ZMIZ1: variants seen among roughly 807,000 people sequenced by gnomAD.
ZMIZ1 encodes zinc finger MIZ-type containing 1, also known as zinc finger MIZ domain-containing protein 1.
In ZMIZ1, 17 loss-of-function variants were observed where a neutral mutation model predicts 113.9. The ratio of observed to expected loss-of-function variants is 0.15; its 90% CI spans 0.10 to 0.22. The LOEUF (loss-of-function observed/expected upper bound fraction) is 0.22. Ranked by LOEUF, ZMIZ1 falls within the 10% of genes least tolerant of loss-of-function variation. The pLI is 1.00. For missense variants in ZMIZ1, 1,059 were observed against 1,477.8 expected, an observed-to-expected ratio of 0.72 and a Z score of 4.65; for synonymous variants, 607 against 603.1, an observed-to-expected ratio of 1.01 and a Z score of -0.09.
intron 5 of ZMIZ1, among the ~76,000 whole-genome samples, chr10:79,206,970 G>T (rs74142339): frequency 6.6e-6 from 1 of 152,170 alleles, no homozygotes; most frequent in Non-Finnish European, 1.5e-5. Flanking sequence ...AACCTTAAGC[G>T]AAAGAAATAA....
intron 4 of ZMIZ1, among the ~76,000 whole-genome samples, chr10:79,162,715 GCA>G (rs1846165031): frequency 6.6e-6 from 1 of 152,018 alleles, no homozygotes; most frequent in Admixed American, 6.5e-5. Flanking sequence ...TACACACCTG[GCA>G]CACAGCAAGG....
At chr10:79,080,250 AC>A (rs1423976464) in intron 1 of ZMIZ1, among the ~76,000 whole-genome samples, 8 of 147,022 alleles carry the variant, frequency 5.4e-5, no homozygotes, top group Non-Finnish European at 7.4e-5. Context: ...GAGCTCCACA[AC>A]CTCCCTGCGC....
chr10:79,184,922 G>A (rs1195279098), intron 4 of ZMIZ1, among the ~76,000 whole-genome samples: 1 of 152,180 alleles, frequency 6.6e-6, no homozygotes, highest in African/African-American at 2.4e-5. Context: ...AGCAGTTCCT[G>A]GATTTTTACC....
At chr10:79,160,489 T>A (rs1219447210) in intron 3 of ZMIZ1, among the ~76,000 whole-genome samples, 1 of 152,210 alleles carries the variant, frequency 6.6e-6, no homozygotes, top group Admixed American at 6.5e-5. Context: ...TCTGCACAGC[T>A]CTTTGAGGGA....
At chr10:79,187,125 G>A (rs1252214637) in intron 4 of ZMIZ1, among the ~76,000 whole-genome samples, 1 of 152,134 alleles carries the variant, frequency 6.6e-6, no homozygotes, top group East Asian at 1.9e-4. Flanking sequence ...TACTCTTTTT[G>A]TTTAATCCTT....
chr10:79,230,822 G>A (rs1356000126), intron 7 of ZMIZ1, among the ~76,000 whole-genome samples: 1 of 152,198 alleles, frequency 6.6e-6, no homozygotes, highest in East Asian at 1.9e-4. Flanking sequence ...GGGCCTCTGT[G>A]CCTAGTTCTC....
intron 8 of ZMIZ1, among the ~76,000 whole-genome samples, chr10:79,279,832 C>T (rs192215061): frequency 1.0e-3 from 152 of 152,192 alleles, no homozygotes; most frequent in African/African-American, 3.4e-3. Context: ...CATGGTGGCA[C>T]GCGCCTGCAA....
At chr10:79,247,293 G>A (rs1442074234) in intron 7 of ZMIZ1, among the ~76,000 whole-genome samples, 1 of 152,210 alleles carries the variant, frequency 6.6e-6, no homozygotes, top group Non-Finnish European at 1.5e-5. Context: ...GGGCACTGAT[G>A]AGGCCTTTCC....
At position 79,293,488 on chromosome 10, in the gene ZMIZ1, G is replaced by A; in HGVS notation, c.1065G>A (p.Met355Ile). The change falls in exon 12 of 25, where the codon ATG (methionine) becomes ATA (isoleucine). Residue 355 changes from methionine to isoleucine, a missense_variant. Coordinates refer to ENST00000334512, the MANE Select transcript of ZMIZ1 (RefSeq NM_020338.4). ...ACCCCGCGAGCATGGCGGCTGGCATGACGCCCTCGGGGATGAGCGGCCCTC... is the reference window on the plus strand; with the variant it reads ...ACCCCGCGAGCATGGCGGCTGGCATAACGCCCTCGGGGATGAGCGGCCCTC... ...SMNPASMAAG[M>I]TPSGMSGPPM... is the part of the protein sequence containing the mutation. The A allele has an allele frequency of 6.3e-7, 1 of 1,581,344 alleles. No homozygotes were observed. The highest frequency in any genetic ancestry group is 2.3e-5 in the East Asian group (1 of 44,432).
chr10:79,099,911 G>A (rs981901368), intron 1 of ZMIZ1, among the ~76,000 whole-genome samples: 3 of 152,078 alleles, frequency 2.0e-5, no homozygotes, highest in African/African-American at 4.8e-5. Context: ...GGTCCTAACC[G>A]GTGTGGTTCC....
chr10:79,129,823 C>T (rs755994886), intron 2 of ZMIZ1, among the ~76,000 whole-genome samples: 2 of 152,360 alleles, frequency 1.3e-5, no homozygotes, highest in East Asian at 1.9e-4. Flanking sequence ...CTGGCCCTTC[C>T]GGTGCATTGA....
Position 79,175,581 on chromosome 10 carries a change from T to C in ZMIZ1, c.-50+13448T>C, listed in dbSNP as rs1002991736. Among the ~76,000 whole-genome samples, 3 of 132,830 alleles carry C rather than the reference T, an allele frequency of 2.3e-5. No individual in the cohort carries two copies. The South Asian group carries it at 7.9e-4, about 35-fold the overall frequency. 87.1% of individuals were successfully genotyped at this position (132,830 alleles called of 152,430 possible). On this transcript the variant is annotated intron_variant, in intron 4 of 24. Coordinates refer to ENST00000334512, the MANE Select transcript of ZMIZ1 (RefSeq NM_020338.4). ...GAGGACTTCTCTAATCTGTGCACTC[T>C]GCGTGTGTGTGTGTGTGTGTGTGTG...
At chr10:79,246,342 C>T (rs374794596) in intron 7 of ZMIZ1, among the ~76,000 whole-genome samples, 4 of 152,212 alleles carry the variant, frequency 2.6e-5, no homozygotes, top group African/African-American at 7.2e-5. Flanking sequence ...ATTGATCGGG[C>T]GGGAGCGCCA....
chr10:79,293,751 C>T, intron 12 of ZMIZ1, 98 bp downstream of exon 12: 2 of 1,561,106 alleles, frequency 1.3e-6, no homozygotes, highest in African/African-American at 2.7e-5. Flanking sequence ...GTGGCTTGGA[C>T]TCCAGCACAC....
chr10:79,081,662 C>T (rs1361308714), intron 1 of ZMIZ1, among the ~76,000 whole-genome samples: 2 of 152,236 alleles, frequency 1.3e-5, no homozygotes, highest in Admixed American at 6.5e-5. Flanking sequence ...TCCTCTCTGC[C>T]TGGCCCTGCC....
chr10:79,200,543 T>C (rs572023728), intron 4 of ZMIZ1, among the ~76,000 whole-genome samples: 2 of 152,346 alleles, frequency 1.3e-5, no homozygotes, highest in Admixed American at 1.3e-4. Flanking sequence ...AAGCCATCCC[T>C]GCACCCGCAC....
intron 4 of ZMIZ1, among the ~76,000 whole-genome samples, chr10:79,184,004 G>A (rs1037733579): frequency 1.3e-5 from 2 of 152,210 alleles, no homozygotes; most frequent in African/African-American, 4.8e-5. Flanking sequence ...TTGTTTAAAG[G>A]AGATGAAGGG....
chr10:79,305,651 G>A, intron 21 of ZMIZ1, 50 bp downstream of exon 21: 1 of 1,590,926 alleles, frequency 6.3e-7, no homozygotes, highest in Non-Finnish European at 8.6e-7. Flanking sequence ...ACGAGGCCTG[G>A]ATTAGAGCAA....
intron 7 of ZMIZ1, among the ~76,000 whole-genome samples, chr10:79,221,209 G>T (rs1848953300): frequency 6.6e-6 from 1 of 152,212 alleles, no homozygotes; most frequent in Non-Finnish European, 1.5e-5. Flanking sequence ...TTTGTCAGGA[G>T]AGCTGGCGGT....
Sources: gnomAD v4.1 joint callset for allele counts (sites outside exome capture counted in the v4.1 genomes callset) on GRCh38, gnomAD v4.1.1 for gene constraint, MANE v1.5 for transcripts, NCBI Gene and HGNC (gene_info 2026-07-23, HGNC 2026-07-21) for gene names.